Variants in TENT5C observed in about 807,000 individuals in gnomAD.
TENT5C encodes family with sequence similarity 46 member C.
In TENT5C, 5 loss-of-function variants were observed where a neutral mutation model predicts 22.2. The ratio of observed to expected loss-of-function variants is 0.22; its 90% CI spans 0.12 to 0.47. TENT5C has a LOEUF of 0.47. Ranked by LOEUF, TENT5C falls within the 20% of genes least tolerant of loss-of-function variation. The pLI is 0.99. For synonymous variants in TENT5C, 199 were observed against 195.4 expected (o/e 1.02, Z -0.15); for missense variants, 364 against 500.9 (o/e 0.73, Z 2.61).
intron 1 of TENT5C, among the ~76,000 whole-genome samples, chr1:117,612,927 G>T (rs1465652699): frequency 1.3e-5 from 2 of 152,224 alleles, no homozygotes; most frequent in African/African-American, 4.8e-5. Flanking sequence ...AGATGGTAAA[G>T]TAGCCTGTGG....
At chr1:117,621,162 G>T (rs1299715069) in intron 1 of TENT5C, among the ~76,000 whole-genome samples, 1 of 151,958 alleles carries the variant, frequency 6.6e-6, no homozygotes, top group Admixed American at 6.6e-5. Flanking sequence ...AGGCACTTTT[G>T]TCTTCCCCTC....
At position 117,624,286 on chromosome 1, in the gene TENT5C, T is replaced by C. The variant is rs1653966637; in HGVS notation, c.*242T>C. On this transcript the variant is annotated 3_prime_UTR_variant, in exon 2 of 2. Coordinates refer to ENST00000369448, the MANE Select transcript of TENT5C (RefSeq NM_017709.4). ...AAAACGCTACAGGAAGCATGACCTA[T>C]CCACATCTTTCCAAGATAGACACTA... 4.1e-6 allele frequency: 2 copies of C among 492,768 alleles called. No homozygotes were observed. The highest frequency in any genetic ancestry group is 7.3e-6 in the Non-Finnish European group (2 of 272,998). The allele number at this position is 492,768 out of a possible 1,614,324, so 30.5% of individuals were successfully genotyped here.
intron 1 of TENT5C, among the ~76,000 whole-genome samples, chr1:117,616,655 T>G (rs764875767): frequency 3.3e-5 from 5 of 152,192 alleles, no homozygotes; most frequent in Non-Finnish European, 5.9e-5. Context: ...TTAGAAAGTT[T>G]TACTGGGAAG....
chr1:117,621,146 G>A (rs1023951698), intron 1 of TENT5C, among the ~76,000 whole-genome samples: 7 of 152,048 alleles, frequency 4.6e-5, no homozygotes, highest in African/African-American at 1.4e-4. Context: ...TTTTAACGCT[G>A]TTCAGAGGCA....
At position 117,624,868 on chromosome 1, in the gene TENT5C, G is replaced by T. The variant is rs193170252; in HGVS notation, c.*824G>T. 8.1e-5 allele frequency: 20 copies of T among 247,774 alleles called. No individual in the cohort carries two copies. Among genetic ancestry groups the T allele is most frequent in the African/African-American group, 4.0e-4 (18 of 45,458 alleles). 15.3% of individuals were successfully genotyped at this position (247,774 alleles called of 1,614,324 possible). A position where few individuals can be genotyped will look rare whatever the true frequency, so the allele number is the denominator to read the frequency against. ...ATGAATGTTCATTTTTTTCTTTAAA[G>T]AATTCTTATTAAATGGCTCCCTGCC... On this transcript the variant is annotated 3_prime_UTR_variant, in exon 2 of 2. Transcript: ENST00000369448.
At position 117,623,629 on chromosome 1, in the gene TENT5C, A is replaced by G; in HGVS notation, c.761A>G (p.Asp254Gly). The G allele has an allele frequency of 6.2e-7, 1 of 1,613,612 alleles. No individual in the cohort carries two copies. Among genetic ancestry groups the G allele is most frequent in the Non-Finnish European group, 8.5e-7 (1 of 1,179,948 alleles). The change falls in exon 2 of 2, where the codon GAC (aspartate) becomes GGC (glycine). Residue 254 changes from aspartate to glycine, a missense_variant. Asp to Gly is a moderately conservative substitution (Grantham distance 94). This residue lies in a region of TENT5C where 303 missense variants were observed against 394.5 expected (regional missense o/e 0.77). Coordinates refer to ENST00000369448, the MANE Select transcript of TENT5C (RefSeq NM_017709.4). Reference sequence around the variant, plus strand: ...AAGTACAGCAACCTTCTTGTGCGGGACTTCAGGCCCACAGACCAGGAAGAA... The same window carrying G: ...AAGTACAGCAACCTTCTTGTGCGGGGCTTCAGGCCCACAGACCAGGAAGAA... Reference protein sequence around the residue: ...LLKYSNLLVRDFRPTDQEEIK... With the variant: ...LLKYSNLLVRGFRPTDQEEIK...
In TENT5C at chr1:117,627,558, A is replaced by C. The variant is rs1342164663; in HGVS notation, c.*3514A>C. The C allele has an allele frequency of 8.1e-6, 2 of 248,056 alleles. No individual in the cohort carries two copies. Among genetic ancestry groups the C allele is most frequent in the Non-Finnish European group, 1.7e-5 (2 of 118,126 alleles). The allele number at this position is 248,056 out of a possible 1,614,324, so 15.4% of individuals were successfully genotyped here. A position where few individuals can be genotyped will look rare whatever the true frequency, so the allele number is the denominator to read the frequency against. On this transcript the variant is annotated 3_prime_UTR_variant, in exon 2 of 2. Transcript: ENST00000369448. Reference sequence around the variant, plus strand: ...GGTGAGACGAGACCCTGACGCTCATAGAGGCCATTCCTTCCTGGGTGTCGG... The same window carrying C: ...GGTGAGACGAGACCCTGACGCTCATCGAGGCCATTCCTTCCTGGGTGTCGG...
intron 1 of TENT5C, among the ~76,000 whole-genome samples, chr1:117,611,141 C>A (rs1246421853): frequency 1.3e-5 from 2 of 152,236 alleles, no homozygotes; most frequent in Non-Finnish European, 2.9e-5. Flanking sequence ...GCATTAGGAT[C>A]TCCACAGCTA....
At position 117,626,091 on chromosome 1, in the gene TENT5C, T is replaced by C. The variant is rs1654005835; in HGVS notation, c.*2047T>C. 1 of 247,914 alleles carries C rather than the reference T, an allele frequency of 4.0e-6. No homozygotes were observed. Among genetic ancestry groups the C allele is most frequent in the South Asian group, 1.8e-4 (1 of 5,530 alleles). The allele number at this position is 247,914 out of a possible 1,614,324, so 15.4% of individuals were successfully genotyped here. ...CCATGGTGGTCAAATGGCATGTGTT[T>C]GCACAAAAATGACCGATGTGTTTAA... On this transcript the variant is annotated 3_prime_UTR_variant, in exon 2 of 2. Transcript: ENST00000369448.
At chr1:117,607,845 C>G (rs545571545) in intron 1 of TENT5C, among the ~76,000 whole-genome samples, 1 of 152,228 alleles carries the variant, frequency 6.6e-6, no homozygotes, top group East Asian at 1.9e-4. Context: ...TTTAGGGAAA[C>G]CTCTGAGCTG....
intron 1 of TENT5C, among the ~76,000 whole-genome samples, chr1:117,607,697 T>TA: frequency 6.6e-6 from 1 of 152,156 alleles, no homozygotes. Flanking sequence ...GCAAGAGTGG[T>TA]AGGAGAGCTT....
chr1:117,612,515 T>C (rs953423114), intron 1 of TENT5C, among the ~76,000 whole-genome samples: 1 of 139,270 alleles, frequency 7.2e-6, no homozygotes, highest in African/African-American at 2.7e-5. Flanking sequence ...GGAAGTAACA[T>C]TCAAGTCAAG....
intron 1 of TENT5C, among the ~76,000 whole-genome samples, chr1:117,615,650 G>A (rs374927923): frequency 1.2e-3 from 184 of 152,352 alleles, no homozygotes; most frequent in Non-Finnish European, 2.1e-3. Context: ...GCACCTGCCA[G>A]AGAAAAGGAT....
At chr1:117,610,875 TTTTTATC>T (rs1434990919) in intron 1 of TENT5C, among the ~76,000 whole-genome samples, 1 of 152,202 alleles carries the variant, frequency 6.6e-6, no homozygotes, top group Non-Finnish European at 1.5e-5. Flanking sequence ...AGTTCTTAAA[TTTTTATC>T]TTTGATTGAA....
At position 117,627,462 on chromosome 1, in the gene TENT5C, G is replaced by T. The variant is rs530676433; in HGVS notation, c.*3418G>T. 24 of 248,124 alleles carry T rather than the reference G, an allele frequency of 9.7e-5. No homozygotes were observed. The highest frequency in any genetic ancestry group is 5.3e-4 in the African/African-American group (24 of 45,470). 15.4% of individuals were successfully genotyped at this position (248,124 alleles called of 1,614,324 possible). A position where few individuals can be genotyped will look rare whatever the true frequency, so the allele number is the denominator to read the frequency against. ...AGTTTACTTTCTGGTACTGGTTGGT[G>T]CCTTGTATTGGGATACAGCTATATT... On this transcript the variant is annotated 3_prime_UTR_variant, in exon 2 of 2. Transcript: ENST00000369448.
intron 1 of TENT5C, among the ~76,000 whole-genome samples, chr1:117,613,423 C>G (rs1653709329): frequency 6.6e-6 from 1 of 152,218 alleles, no homozygotes; most frequent in Non-Finnish European, 1.5e-5. Context: ...AGCATTAGTT[C>G]TTCCAGCGTT....
At position 117,623,301 on chromosome 1, in the gene TENT5C, G is replaced by C. The variant is rs1653940203; in HGVS notation, c.433G>C (p.Val145Leu). The part of the protein sequence containing the change: ...KEAYVQKLVK[V>L]CTDTDRWSLI... ...GGCATATGTGCAGAAGCTAGTGAAG[G>C]TTTGCACGGACACTGACCGCTGGAG... The change falls in exon 2 of 2, where the codon GTT becomes CTT. Residue 145 changes from valine to leucine, a missense_variant. By Grantham distance (32) the Val-to-Leu change is conservative. This residue lies in a region of TENT5C where 303 missense variants were observed against 394.5 expected (regional missense o/e 0.77). Coordinates refer to ENST00000369448, the MANE Select transcript of TENT5C (RefSeq NM_017709.4). The C allele has an allele frequency of 6.2e-7, 1 of 1,614,066 alleles. No homozygotes were observed. The highest frequency in any genetic ancestry group is 1.3e-5 in the African/African-American group (1 of 74,938).
intron 1 of TENT5C, among the ~76,000 whole-genome samples, chr1:117,618,214 T>C (rs1301841309): frequency 6.6e-6 from 1 of 152,186 alleles, no homozygotes; most frequent in African/African-American, 2.4e-5. Context: ...ATTGTATTTC[T>C]GAAAAAAGTG....
At position 117,626,479 on chromosome 1, in the gene TENT5C, G is replaced by A. The variant is rs1461153328; in HGVS notation, c.*2435G>A. ...ATAGACCTATTCAAGAGCTATCAGGGTTAAAAGCTGCACTGACCAAAGCTG... is the reference window on the plus strand; with the variant it reads ...ATAGACCTATTCAAGAGCTATCAGGATTAAAAGCTGCACTGACCAAAGCTG... On this transcript the variant is annotated 3_prime_UTR_variant, in exon 2 of 2. Coordinates refer to ENST00000369448, the MANE Select transcript of TENT5C (RefSeq NM_017709.4). 8.1e-6 allele frequency: 2 copies of A among 247,778 alleles called. No homozygotes were observed. The highest frequency in any genetic ancestry group is 4.4e-5 in the African/African-American group (2 of 45,304). 15.3% of individuals were successfully genotyped at this position (247,778 alleles called of 1,614,324 possible). A position where few individuals can be genotyped will look rare whatever the true frequency, so the allele number is the denominator to read the frequency against.
Sources: gnomAD v4.1 joint callset for allele counts (sites outside exome capture counted in the v4.1 genomes callset) on GRCh38, gnomAD v4.1.1 for gene constraint, gnomAD v4.1.1 regional missense constraint, MANE v1.5 for transcripts, NCBI Gene and HGNC (gene_info 2026-07-23, HGNC 2026-07-21) for gene names.